Variants in FGFR1 observed in about 807,000 individuals in gnomAD.
The protein encoded by FGFR1 is FGFR1/PLAG1 fusion.
Under a neutral mutation model 93.7 loss-of-function variants are expected in FGFR1, and 18 were observed. That is an observed-to-expected ratio of 0.19 (90% CI 0.13 to 0.28). The LOEUF (loss-of-function observed/expected upper bound fraction) is 0.28, where lower values mean the gene tolerates loss of function less well. FGFR1 is among the 10% of genes least tolerant of loss of function. The pLI is 1.00. For synonymous variants in FGFR1, 448 were observed against 429.3 expected (o/e 1.04, Z -0.54); for missense variants, 731 against 1,080.4 (o/e 0.68, Z 4.53).
intron 15 of FGFR1, 59 bp downstream of exon 15, chr8:38,414,500 C>T (rs2150545757): frequency 6.3e-7 from 1 of 1,595,102 alleles, no homozygotes; most frequent in East Asian, 2.2e-5. Flanking sequence ...AAGCAGGACT[C>T]TACAGTGCTA....
intron 2 of FGFR1, among the ~76,000 whole-genome samples, chr8:38,456,983 T>C (rs994417572): frequency 2.6e-5 from 4 of 152,160 alleles, no homozygotes; most frequent in Non-Finnish European, 5.9e-5. Context: ...TCTAAGGTCA[T>C]TCTCTCCCCA....
At chr8:38,414,081 G>A (rs746292704) in intron 16 of FGFR1, 58 bp from the exon 17 acceptor site, 2 of 1,613,636 alleles carry the variant, frequency 1.2e-6, no homozygotes, top group African/African-American at 2.7e-5. Context: ...CTCTAGTCTA[G>A]CCCCCTGCCC....
At chr8:38,462,090 A>T (rs192113458) in intron 1 of FGFR1, among the ~76,000 whole-genome samples, 6 of 152,324 alleles carry the variant, frequency 3.9e-5, no homozygotes, top group Admixed American at 3.3e-4. Flanking sequence ...CATCTTAAAA[A>T]CTTGTTATGA....
chr8:38,422,782 G>T (rs1051322270), intron 7 of FGFR1: 5 of 492,254 alleles, frequency 1.0e-5, no homozygotes, highest in African/African-American at 2.0e-5. Flanking sequence ...CCGTGTCCCC[G>T]TGAGTCCTCA....
rs766433278 is a variant in FGFR1 at position 38,419,707 on chromosome 8, G to A, written c.1110C>T (p.Thr370=). The A allele has an allele frequency of 1.2e-6, 2 of 1,614,144 alleles. No homozygotes were observed. Among genetic ancestry groups the A allele is most frequent in the South Asian group, 2.2e-5 (2 of 91,078 alleles). Residue 370 remains threonine (T), a synonymous_variant, in exon 9 of 18, where the codon ACC becomes ACT. Coordinates refer to ENST00000447712, the MANE Select transcript of FGFR1 (RefSeq NM_023110.3). ...TGATGATCTCCAGGTACAGGGGCGA[G>A]GTCATCACTGCCGGCCTCTCTTCCA... is the stretch of plus-strand genomic sequence containing the variant. The part of the protein sequence containing the change: ...EALEERPAVM[T]SPLYLEIIIY...
intron 1 of FGFR1, among the ~76,000 whole-genome samples, chr8:38,460,740 C>T (rs1041745279): frequency 6.6e-6 from 1 of 152,192 alleles, no homozygotes; most frequent in East Asian, 1.9e-4. Context: ...TCAGCATACA[C>T]CCCATGCCAC....
At chr8:38,463,901 G>T (rs1834956132) in intron 1 of FGFR1, among the ~76,000 whole-genome samples, 1 of 151,984 alleles carries the variant, frequency 6.6e-6, no homozygotes, top group Admixed American at 6.6e-5. Flanking sequence ...AACATATGGA[G>T]AAAGTTACTC....
chr8:38,424,429 C>T lies in FGFR1; in HGVS notation c.936+80G>A. 1 of 1,520,668 alleles carries T rather than the reference C, an allele frequency of 6.6e-7. No homozygotes were observed. The highest frequency in any genetic ancestry group is 1.1e-5 in the South Asian group (1 of 88,638). 94.2% of individuals were successfully genotyped at this position (1,520,668 alleles called of 1,614,324 possible). On this transcript the variant is annotated intron_variant, in intron 7 of 17. Coordinates refer to ENST00000447712, the MANE Select transcript of FGFR1 (RefSeq NM_023110.3). This position sits in a 1 kb window ranked among gnomAD's most constrained non-coding sequence, Gnocchi z 4.3. ...TGATCCCATTCGGGGGCAACTGAGCCTGCCCACAGGAACTTGAGCCCCCGA... is the reference window on the plus strand; with the variant it reads ...TGATCCCATTCGGGGGCAACTGAGCTTGCCCACAGGAACTTGAGCCCCCGA...
In FGFR1 at chr8:38,426,092, T is replaced by G; in HGVS notation, c.745+30A>C. ...CCAAGCCTGGCTCTTCCCACTAAACTCATTCCTCCTGCTGCCTCTGCCCTC... is the reference window on the plus strand; with the variant it reads ...CCAAGCCTGGCTCTTCCCACTAAACGCATTCCTCCTGCTGCCTCTGCCCTC... On this transcript the variant is annotated intron_variant, in intron 6 of 17. Transcript: ENST00000447712. The surrounding 1 kb of genome is among the most constrained non-coding windows in gnomAD (Gnocchi z 4.1). 1 of 1,613,816 alleles carries G rather than the reference T, an allele frequency of 6.2e-7. No individual in the cohort carries two copies.
At chr8:38,432,082 C>T (rs1392323008) in intron 2 of FGFR1, among the ~76,000 whole-genome samples, 2 of 152,132 alleles carry the variant, frequency 1.3e-5, no homozygotes, top group Admixed American at 6.5e-5. Context: ...CATCACAAGG[C>T]CTATTGCAGC....
At chr8:38,422,796 G>C (rs1819302889) in intron 7 of FGFR1, 1 of 526,800 alleles carries the variant, frequency 1.9e-6, no homozygotes, top group Admixed American at 3.5e-5. Context: ...GTCCTCACAT[G>C]GATCCACACA....
chr8:38,417,802 G>C, intron 11 of FGFR1, 68 bp downstream of exon 11: 2 of 1,612,442 alleles, frequency 1.2e-6, no homozygotes, highest in African/African-American at 2.7e-5. Context: ...TGTTCTGCTG[G>C]GCCCGAGGCC....
intron 2 of FGFR1, among the ~76,000 whole-genome samples, chr8:38,453,496 G>A (rs1563612994): frequency 6.6e-6 from 1 of 152,210 alleles, no homozygotes; most frequent in Non-Finnish European, 1.5e-5. Context: ...TCAGTAAGGT[G>A]TGGAGCCAAA....
At chr8:38,421,395 C>T (rs914933686) in intron 8 of FGFR1, among the ~76,000 whole-genome samples, 4 of 152,212 alleles carry the variant, frequency 2.6e-5, no homozygotes, top group Non-Finnish European at 5.9e-5. Context: ...GGGCTGAGCA[C>T]TTGAGAAGGG....
At chr8:38,442,657 C>G (rs184965479) in intron 2 of FGFR1, among the ~76,000 whole-genome samples, 1 of 152,268 alleles carries the variant, frequency 6.6e-6, no homozygotes, top group African/African-American at 2.4e-5. Flanking sequence ...GCCCTCCCCC[C>G]ACCTCTCCCA....
intron 2 of FGFR1, 127 bp downstream of exon 2, chr8:38,457,229 G>A: frequency 9.5e-7 from 1 of 1,050,292 alleles, no homozygotes; most frequent in Non-Finnish European, 1.4e-6. Flanking sequence ...CAGGAAGGGA[G>A]TTCTTTGCTC....
Position 38,418,223 on chromosome 8 carries a change from A to G in FGFR1, c.1430+5T>C, listed in dbSNP as rs373468499. On this transcript the variant is annotated splice_donor_5th_base_variant and intron_variant, in intron 10 of 17. Transcript: ENST00000447712. ...TCAAAAAGTTGGGAGTCAAAGTATTATTACCTGTCCCGAGGCAGCTCCCAG... is the reference window on the plus strand; with the variant it reads ...TCAAAAAGTTGGGAGTCAAAGTATTGTTACCTGTCCCGAGGCAGCTCCCAG... The G allele has an allele frequency of 5.6e-6, 9 of 1,614,096 alleles. No individual in the cohort carries two copies. The African/African-American group carries it at 1.1e-4, about 19-fold the overall frequency.
Position 38,426,383 on chromosome 8 carries a change from G to T in FGFR1, c.622-138C>A. On this transcript the variant is annotated intron_variant, in intron 5 of 17. Coordinates refer to ENST00000447712, the MANE Select transcript of FGFR1 (RefSeq NM_023110.3). The surrounding 1 kb of genome is among the most constrained non-coding windows in gnomAD (Gnocchi z 4.1). ...GGCCCCAGGCTGCAGGGTTGGCTAG[G>T]ACAAGGCGTGGATTGCCCCCCTACC... The T allele has an allele frequency of 1.6e-6, 2 of 1,256,434 alleles. No individual in the cohort carries two copies. Among genetic ancestry groups the T allele is most frequent in the Non-Finnish European group, 2.3e-6 (2 of 871,428 alleles). The allele number at this position is 1,256,434 out of a possible 1,614,324, so 77.8% of individuals were successfully genotyped here.
intron 9 of FGFR1, 90 bp from the exon 10 acceptor site, chr8:38,418,463 G>A (rs1586182607): frequency 2.8e-6 from 4 of 1,430,112 alleles, no homozygotes; most frequent in Admixed American, 2.0e-5. Context: ...AACAATGGCA[G>A]AGGCACATGT....
Sources: allele counts gnomAD v4.1 joint callset (sites outside exome capture counted in the v4.1 genomes callset), GRCh38; gene constraint gnomAD v4.1.1; non-coding constraint Gnocchi (gnomAD v3.1); transcripts MANE v1.5; gene names NCBI Gene and HGNC (gene_info 2026-07-23, HGNC 2026-07-21).